The following LRRC20 variants were observed in gnomAD, a reference collection of about 807,000 sequenced individuals.
LRRC20 encodes the protein leucine rich repeat containing 20, also known as leucine-rich repeat-containing protein 20.
Under a neutral mutation model 14.4 loss-of-function variants are expected in LRRC20, and 11 were observed. The ratio of observed to expected loss-of-function variants is 0.77; its 90% confidence interval spans 0.48 to 1.27. LRRC20 has a LOEUF of 1.27. LRRC20 is among the 50% of genes most tolerant of loss of function. LRRC20 has a pLI of 0.00. For synonymous variants in LRRC20, 121 were observed against 107.3 expected, an observed-to-expected ratio of 1.13 and a Z score of -0.79; for missense variants, 219 against 251.2, an observed-to-expected ratio of 0.87 and a Z score of 0.87.
At chr10:70,376,864 G>A in intron 1 of LRRC20, 1 of 326,050 alleles carries the variant, frequency 3.1e-6, no homozygotes, top group Non-Finnish European at 5.8e-6. Context: ...ATGGGGACCA[G>A]GTCTGAGCCA....
In LRRC20 at chr10:70,382,583, G is replaced by C. The variant is rs1290570791; in HGVS notation, c.-98C>G. ...GCCTCCTAGCGCCCTGCGCAGCGCAGTCACGCTCCCTCCGCCGCCGGCGGC... is the reference window on the plus strand; with the variant it reads ...GCCTCCTAGCGCCCTGCGCAGCGCACTCACGCTCCCTCCGCCGCCGGCGGC... On this transcript the variant is annotated 5_prime_UTR_variant, in exon 1 of 5. Transcript: ENST00000446961. 3.3e-5 allele frequency: 5 copies of C among 151,794 alleles called. No individual in the cohort carries two copies. Among genetic ancestry groups the C allele is most frequent in the African/African-American group, 9.7e-5 (4 of 41,396 alleles). 9.4% of individuals were successfully genotyped at this position (151,794 alleles called of 1,614,324 possible).
intron 2 of LRRC20, 49 bp from the exon 3 acceptor site, chr10:70,340,751 C>A (rs377219055): frequency 5.0e-6 from 8 of 1,602,578 alleles, no homozygotes; most frequent in South Asian, 1.1e-5. Context: ...CACAGCTGCC[C>A]GAGAACTTGT....
intron 4 of LRRC20, among the ~76,000 whole-genome samples, chr10:70,319,172 G>GA (rs1841983474): frequency 3.5e-5 from 4 of 115,204 alleles, no homozygotes; most frequent in Admixed American, 2.5e-4. Flanking sequence ...GGGTGTATAG[G>GA]GAAAAAAAAA....
At chr10:70,311,757 G>A (rs1282350030) in intron 4 of LRRC20, among the ~76,000 whole-genome samples, 1 of 152,086 alleles carries the variant, frequency 6.6e-6, no homozygotes, top group Admixed American at 6.6e-5. Flanking sequence ...GTGGCCTATG[G>A]CAAGGCAAAA....
At chr10:70,301,842 G>A (rs1841200787) in intron 4 of LRRC20, among the ~76,000 whole-genome samples, 4 of 152,154 alleles carry the variant, frequency 2.6e-5, no homozygotes, top group Admixed American at 2.6e-4. Flanking sequence ...TTACACAAAT[G>A]TTCATAGCAG....
Position 70,301,303 on chromosome 10 carries a change from T to A in LRRC20, c.*51A>T. 6.4e-7 allele frequency: 1 copy of A among 1,570,264 alleles called. No homozygotes were observed. The highest frequency in any genetic ancestry group is 2.3e-5 in the East Asian group (1 of 43,676). ...CCATGGGCCTCCCTCCCTTCCAGGG[T>A]TCCAGGCCTGTGGCCTCTGCCCCTT... is the stretch of plus-strand genomic sequence containing the variant. On this transcript the variant is annotated 3_prime_UTR_variant, in exon 5 of 5. Transcript: ENST00000446961.
At chr10:70,348,215 C>T (rs1843152483) in intron 2 of LRRC20, among the ~76,000 whole-genome samples, 1 of 152,234 alleles carries the variant, frequency 6.6e-6, no homozygotes, top group South Asian at 2.1e-4. Flanking sequence ...ACAGAAGGGC[C>T]CTGCTGGGAT....
intron 2 of LRRC20, among the ~76,000 whole-genome samples, chr10:70,344,035 C>A (rs943275467): frequency 2.0e-5 from 3 of 151,954 alleles, no homozygotes; most frequent in Admixed American, 6.6e-5. Context: ...CCTGTCTCTA[C>A]AGAAAACATT....
At chr10:70,304,020 C>T (rs557780765) in intron 4 of LRRC20, among the ~76,000 whole-genome samples, 5 of 152,008 alleles carry the variant, frequency 3.3e-5, no homozygotes, top group African/African-American at 7.2e-5. Context: ...ATGTGAATTT[C>T]GCCTCAGTTT....
chr10:70,323,096 A>C (rs2136945921), intron 4 of LRRC20, among the ~76,000 whole-genome samples: 1 of 152,278 alleles, frequency 6.6e-6, no homozygotes, highest in African/African-American at 2.4e-5. Flanking sequence ...TTTCCACATC[A>C]GAGGCCATGT....
intron 2 of LRRC20, among the ~76,000 whole-genome samples, chr10:70,343,059 A>C (rs1039320476): frequency 1.3e-5 from 2 of 152,234 alleles, no homozygotes; most frequent in African/African-American, 4.8e-5. Flanking sequence ...ACATGGAAAT[A>C]ATCACAATTG....
chr10:70,350,717 A>C (rs536226951), intron 2 of LRRC20, among the ~76,000 whole-genome samples: 1 of 152,276 alleles, frequency 6.6e-6, no homozygotes, highest in East Asian at 1.9e-4. Context: ...GGTGTCAGGG[A>C]CTCAGGCCAG....
chr10:70,379,713 T>C (rs968453133), intron 1 of LRRC20, among the ~76,000 whole-genome samples: 2 of 152,142 alleles, frequency 1.3e-5, no homozygotes, highest in African/African-American at 2.4e-5. Flanking sequence ...CCTGGTGGGA[T>C]CACCTGGGCT....
intron 2 of LRRC20, among the ~76,000 whole-genome samples, chr10:70,360,615 G>C (rs1212025375): frequency 3.3e-5 from 5 of 152,096 alleles, no homozygotes; most frequent in Admixed American, 3.3e-4. Context: ...TTTTCTTTTA[G>C]TTTTTTTGTA....
chr10:70,379,872 C>T (rs1844644585), intron 1 of LRRC20, among the ~76,000 whole-genome samples: 1 of 152,192 alleles, frequency 6.6e-6, no homozygotes, highest in South Asian at 2.1e-4. Flanking sequence ...AACTATTCCA[C>T]CTCACATCAT....
chr10:70,327,137 G>A (rs1249898550), intron 3 of LRRC20, among the ~76,000 whole-genome samples: 3 of 152,248 alleles, frequency 2.0e-5, no homozygotes, highest in Non-Finnish European at 4.4e-5. Context: ...TGCGGCCGTG[G>A]AAGCTAATGT....
intron 4 of LRRC20, among the ~76,000 whole-genome samples, chr10:70,319,185 A>G (rs1294340550): frequency 1.3e-5 from 2 of 151,594 alleles, no homozygotes; most frequent in Admixed American, 6.6e-5. Flanking sequence ...AAAAAAAAAA[A>G]AAAAAGAAAG....
chr10:70,361,639 A>C (rs1164176350), intron 2 of LRRC20, among the ~76,000 whole-genome samples: 1 of 152,254 alleles, frequency 6.6e-6, no homozygotes, highest in Non-Finnish European at 1.5e-5. Flanking sequence ...AAGGACGATC[A>C]AGGTGGAAAT....
chr10:70,374,481 G>T (rs745422202), intron 2 of LRRC20, among the ~76,000 whole-genome samples: 2 of 151,930 alleles, frequency 1.3e-5, no homozygotes, highest in Non-Finnish European at 2.9e-5. Context: ...CTCCCAAGTA[G>T]CTGGGATTAC....
Sources: allele counts gnomAD v4.1 joint callset (sites outside exome capture counted in the v4.1 genomes callset), GRCh38; gene constraint gnomAD v4.1.1; transcripts MANE v1.5; gene names NCBI Gene and HGNC (gene_info 2026-07-23, HGNC 2026-07-21).